Variants in RABGAP1L observed in about 807,000 individuals in gnomAD.
RABGAP1L encodes RAB GTPase activating protein 1 like, also known as rab GTPase-activating protein 1-like.
In RABGAP1L, 63 loss-of-function variants were observed where a neutral mutation model predicts 137.7. That is an observed-to-expected ratio of 0.46 (90% CI 0.37 to 0.56). The LOEUF is 0.56. Among genes scored for constraint, RABGAP1L ranks in the 20% least tolerant of loss-of-function variants. RABGAP1L has a pLI of 0.00. For synonymous variants in RABGAP1L, 431 were observed against 433.7 expected (o/e 0.99, Z 0.08); for missense variants, 1,095 against 1,244.0 (o/e 0.88, Z 1.80).
chr1:174,549,020 A>G (rs1485157876), intron 13 of RABGAP1L, among the ~76,000 whole-genome samples: 3 of 152,210 alleles, frequency 2.0e-5, no homozygotes, highest in Admixed American at 1.3e-4. Context: ...AGGATACAGC[A>G]TATGTTATTT....
At chr1:174,769,165 A>C (rs896729952) in intron 18 of RABGAP1L, among the ~76,000 whole-genome samples, 1 of 152,196 alleles carries the variant, frequency 6.6e-6, no homozygotes, top group Admixed American at 6.5e-5. Context: ...TTATTACTCA[A>C]ATCAGTCTCA....
At chr1:174,680,845 C>T (rs941817725) in intron 14 of RABGAP1L, among the ~76,000 whole-genome samples, 35 of 152,042 alleles carry the variant, frequency 2.3e-4, no homozygotes, top group Non-Finnish European at 1.0e-4. Flanking sequence ...AGTGATCATG[C>T]CACCGCACAC....
intron 13 of RABGAP1L, among the ~76,000 whole-genome samples, chr1:174,468,824 G>A (rs61826875): frequency 1.3e-5 from 2 of 152,258 alleles, no homozygotes; most frequent in East Asian, 3.9e-4. Context: ...ACCACCTAGT[G>A]CAGGATGCCA....
intron 19 of RABGAP1L, among the ~76,000 whole-genome samples, chr1:174,919,788 T>C (rs531977551): frequency 2.6e-5 from 4 of 152,026 alleles, no homozygotes; most frequent in Non-Finnish European, 5.9e-5. Flanking sequence ...CCCAGGAGTT[T>C]CAGGCTGCAG....
intron 10 of RABGAP1L, among the ~76,000 whole-genome samples, chr1:174,299,050 T>G (rs959265804): frequency 1.3e-5 from 2 of 152,264 alleles, no homozygotes; most frequent in African/African-American, 4.8e-5. Flanking sequence ...AGTCCTCATG[T>G]TAAAAAACAA....
chr1:174,286,944 G>A (rs753457144), intron 10 of RABGAP1L, among the ~76,000 whole-genome samples: 24 of 151,856 alleles, frequency 1.6e-4, no homozygotes, highest in Non-Finnish European at 2.6e-4. Flanking sequence ...CTTTTTTTGT[G>A]TGTCTTAACA....
At position 174,548,121 on chromosome 1, in the gene RABGAP1L, G is replaced by A. The variant is rs12064144; in HGVS notation, c.1711-89254G>A. The stretch of plus-strand genomic sequence containing the variant: ...TTGCATGGGAGGTTGCAGTTTAGAA[G>A]CAACTTTATGGATCATTTCCCAGGT... On this transcript the variant is annotated intron_variant, in intron 13 of 25. Transcript: ENST00000681986. 35,772 of 1,522,432 alleles carry A rather than the reference G, an allele frequency of 0.023. 6,680 individuals carry two copies. The African/African-American group carries it at 0.42, about 18-fold the overall frequency. 94.3% of individuals were successfully genotyped at this position (1,522,432 alleles called of 1,614,324 possible). A position where few individuals can be genotyped will look rare whatever the true frequency, so the allele number is the denominator to read the frequency against.
chr1:174,617,408 A>G (rs983871473), intron 13 of RABGAP1L, among the ~76,000 whole-genome samples: 2 of 152,226 alleles, frequency 1.3e-5, no homozygotes, highest in Admixed American at 6.5e-5. Flanking sequence ...ATGCTCCATC[A>G]TACAGTTACT....
chr1:174,471,826 A>G (rs537838656), intron 13 of RABGAP1L, among the ~76,000 whole-genome samples: 1 of 152,296 alleles, frequency 6.6e-6, no homozygotes, highest in South Asian at 2.1e-4. Context: ...GCGTTCATAT[A>G]TTGAACCCAT....
chr1:174,762,857 C>T (rs2148706897), intron 18 of RABGAP1L, among the ~76,000 whole-genome samples: 1 of 129,558 alleles, frequency 7.7e-6, no homozygotes, highest in East Asian at 2.4e-4. Flanking sequence ...CTCTGTTGCT[C>T]AGGCTGGAGT....
At chr1:174,808,588 A>G (rs1689564288) in intron 18 of RABGAP1L, among the ~76,000 whole-genome samples, 3 of 151,972 alleles carry the variant, frequency 2.0e-5, no homozygotes, top group African/African-American at 4.8e-5. Context: ...ATGCACTCTT[A>G]TACCTTAAAT....
At chr1:174,744,401 A>G (rs895457224) in intron 17 of RABGAP1L, among the ~76,000 whole-genome samples, 4 of 152,212 alleles carry the variant, frequency 2.6e-5, no homozygotes, top group Non-Finnish European at 5.9e-5. Flanking sequence ...CTTTGAAACA[A>G]TGCATTGCTT....
chr1:174,275,570 T>C (rs1277342089), intron 8 of RABGAP1L, among the ~76,000 whole-genome samples: 2 of 152,268 alleles, frequency 1.3e-5, no homozygotes, highest in East Asian at 1.9e-4. Context: ...TTATGTTTTT[T>C]TGATTCAGCA....
At chr1:174,232,139 GA>G (rs1287573828) in intron 4 of RABGAP1L, among the ~76,000 whole-genome samples, 2 of 152,156 alleles carry the variant, frequency 1.3e-5, no homozygotes, top group Non-Finnish European at 2.9e-5. Context: ...AGACTGGAAA[GA>G]AGCAAAATGG....
chr1:174,338,493 A>T (rs1310942149), intron 11 of RABGAP1L, among the ~76,000 whole-genome samples: 1 of 151,602 alleles, frequency 6.6e-6, no homozygotes, highest in Non-Finnish European at 1.5e-5. Context: ...GTCACTGGAG[A>T]GTTTATTATC....
rs768846007 is a variant in RABGAP1L at position 174,275,920 on chromosome 1, G to A, written c.1141G>A (p.Glu381Lys). Residue 381 changes from glutamate to lysine, a missense_variant, in exon 9 of 26, where the codon GAG becomes AAG. This residue lies in a region of RABGAP1L where 112 missense variants were observed against 157.3 expected (regional missense o/e 0.71). Coordinates refer to ENST00000681986, the MANE Select transcript of RABGAP1L (RefSeq NM_001366446.1). ...TGCACCAGTATTTCTGGCACTTAACGAGGAAACCCCAAAAGGTGACTTTTC... is the reference window on the plus strand; with the variant it reads ...TGCACCAGTATTTCTGGCACTTAACAAGGAAACCCCAAAAGGTGACTTTTC... ...PNAPVFLALN[E>K]ETPKDKQVYM... 3 of 1,611,604 alleles carry A rather than the reference G, an allele frequency of 1.9e-6. No individual in the cohort carries two copies. The highest frequency in any genetic ancestry group is 2.2e-5 in the East Asian group (1 of 44,788).
intron 1 of RABGAP1L, among the ~76,000 whole-genome samples, chr1:174,180,968 TTC>T (rs1291040630): frequency 9.2e-5 from 14 of 152,312 alleles, no homozygotes; most frequent in African/African-American, 3.1e-4. Context: ...AAGTGGGCAC[TTC>T]TCTTACATTT....
intron 11 of RABGAP1L, among the ~76,000 whole-genome samples, chr1:174,344,313 G>T (rs2860954): frequency 0.23 from 34,251 of 152,054 alleles, 4,106 homozygotes; most frequent in Admixed American, 0.25. Flanking sequence ...ATTACTGTCA[G>T]CATTTTACAT....
In RABGAP1L at chr1:174,686,648, C is replaced by CTTTTTT. The variant is rs533716511; in HGVS notation, c.1899+3074_1899+3079dup. 1.5e-4 allele frequency among the ~76,000 whole-genome samples: 16 copies of CTTTTTT among 105,834 alleles called. 3 individuals are homozygous for CTTTTTT. The highest frequency in any genetic ancestry group is 2.3e-4 in the Non-Finnish European group (11 of 47,674). The allele number at this position is 105,834 out of a possible 152,430, so 69.4% of individuals were successfully genotyped here. A position where few individuals can be genotyped will look rare whatever the true frequency, so the allele number is the denominator to read the frequency against. On this transcript the variant is annotated intron_variant, in intron 15 of 25. Coordinates refer to ENST00000681986, the MANE Select transcript of RABGAP1L (RefSeq NM_001366446.1). ...GAAGCTTTGGTTTGAACAAAGCAATCTTTTTTTTTTTTTTTTTTTTTTTTT... is the reference window on the plus strand; with the variant it reads ...GAAGCTTTGGTTTGAACAAAGCAATCTTTTTTTTTTTTTTTTTTTTTTTTTTTTTTT...
Sources: gnomAD v4.1 joint callset for allele counts (sites outside exome capture counted in the v4.1 genomes callset) on GRCh38, gnomAD v4.1.1 for gene constraint, gnomAD v4.1.1 regional missense constraint, MANE v1.5 for transcripts, NCBI Gene and HGNC (gene_info 2026-07-23, HGNC 2026-07-21) for gene names.